TMEM156: variants seen among roughly 807,000 people sequenced by gnomAD.
The protein encoded by TMEM156 is transmembrane protein 156.
In TMEM156, 28 loss-of-function variants were observed where a neutral mutation model predicts 30.5. That is an observed-to-expected ratio of 0.92 (90% CI 0.68 to 1.26). The LOEUF is 1.26. TMEM156 is among the 50% of genes most tolerant of loss of function. The pLI is 0.00. For missense variants in TMEM156, 351 were observed against 340.6 expected (o/e 1.03, Z -0.24); for synonymous variants, 137 against 119.9 (o/e 1.14, Z -0.93).
At chr4:38,970,788 C>T (rs1429664579) in intron 6 of TMEM156, among the ~76,000 whole-genome samples, 1 of 152,172 alleles carries the variant, frequency 6.6e-6, no homozygotes, top group African/African-American at 2.4e-5. Context: ...GCTATCATCT[C>T]AGGAGCAGTT....
intron 1 of TMEM156, among the ~76,000 whole-genome samples, chr4:39,030,242 G>C: frequency 6.6e-6 from 1 of 151,822 alleles, no homozygotes; most frequent in Admixed American, 6.6e-5. Flanking sequence ...GCTGTTCTTG[G>C]ACCAGGAGAA....
At chr4:38,981,333 T>G (rs980655083) in intron 5 of TMEM156, among the ~76,000 whole-genome samples, 1 of 152,214 alleles carries the variant, frequency 6.6e-6, no homozygotes, top group Non-Finnish European at 1.5e-5. Flanking sequence ...TAATTCTCTT[T>G]CACAATAAAA....
chr4:39,021,436 T>C (rs1577584180), intron 1 of TMEM156, among the ~76,000 whole-genome samples: 2 of 151,544 alleles, frequency 1.3e-5, no homozygotes, highest in East Asian at 1.9e-4. Context: ...AAGAAAAAAA[T>C]GAAAAAAGAA....
In TMEM156 at chr4:39,000,045, A is replaced by G. The variant is rs1246777313; in HGVS notation, c.89-1136T>C. Among the ~76,000 whole-genome samples the G allele has an allele frequency of 2.0e-5, 3 of 152,218 alleles. No homozygotes were observed. The East Asian group carries it at 5.8e-4, about 29-fold the overall frequency. On this transcript the variant is annotated intron_variant, in intron 1 of 6. Transcript: ENST00000381938. ...TTTTTACTTTTGTCTGAAGACAAAC[A>G]TAAGATATGGAAATTATGGTATAAT...
chr4:38,981,601 G>T (rs1711560113), intron 5 of TMEM156, among the ~76,000 whole-genome samples: 1 of 152,190 alleles, frequency 6.6e-6, no homozygotes, highest in Non-Finnish European at 1.5e-5. Flanking sequence ...AAGTGCATCA[G>T]TTGGACAGAA....
At position 38,988,889 on chromosome 4, in the gene TMEM156, T is replaced by C. The variant is rs1712206986; in HGVS notation, c.701A>G (p.Lys234Arg). 2 of 1,613,954 alleles carry C rather than the reference T, an allele frequency of 1.2e-6. No homozygotes were observed. Among genetic ancestry groups the C allele is most frequent in the African/African-American group, 2.7e-5 (2 of 74,934 alleles). Residue 234 changes from lysine (K) to arginine (R), a missense_variant, in exon 4 of 7, where the codon AAA (lysine) becomes AGA (arginine). Lys to Arg is a conservative substitution (Grantham distance 26). Transcript: ENST00000381938. ...FIFLIILTIR[K>R]ILEGQRRVQK... ...CACTCTTCTCTGGCCTTCAAGTATT[T>C]TGCGGATAGTGAGGATGATCAAAAA...
chr4:39,024,926 T>C (rs945955428), intron 1 of TMEM156, among the ~76,000 whole-genome samples: 7 of 152,248 alleles, frequency 4.6e-5, no homozygotes, highest in African/African-American at 1.7e-4. Context: ...AGTTATTCTA[T>C]AGCATAATTC....
intron 1 of TMEM156, among the ~76,000 whole-genome samples, chr4:39,012,952 A>AT (rs1444463363): frequency 1.3e-5 from 2 of 151,626 alleles, no homozygotes; most frequent in Non-Finnish European, 1.5e-5. Context: ...AAAAAAAAAA[A>AT]GGAAAGAAAA....
chr4:39,014,203 C>T (rs369986116), intron 1 of TMEM156, among the ~76,000 whole-genome samples: 2 of 152,106 alleles, frequency 1.3e-5, no homozygotes, highest in Admixed American at 6.6e-5. Context: ...GATATTATCA[C>T]GAGTCAATCT....
At chr4:38,991,681 A>G (rs1712475261) in intron 3 of TMEM156, among the ~76,000 whole-genome samples, 1 of 152,068 alleles carries the variant, frequency 6.6e-6, no homozygotes, top group African/African-American at 2.4e-5. Flanking sequence ...ATGAACACAC[A>G]CACAAAAATC....
intron 2 of TMEM156, among the ~76,000 whole-genome samples, chr4:38,997,312 C>T (rs1215379831): frequency 6.6e-6 from 1 of 152,168 alleles, no homozygotes; most frequent in Admixed American, 6.5e-5. Context: ...GGAACATTAC[C>T]TACTGGGTAC....
chr4:39,022,372 C>G (rs2711968), intron 1 of TMEM156, among the ~76,000 whole-genome samples: 95,506 of 152,020 alleles, frequency 0.63, 30,486 homozygotes, highest in African/African-American at 0.75. Flanking sequence ...CTCAGTCTTA[C>G]ACTTTGCCTT....
chr4:38,977,694 A>G (rs2109878309), intron 5 of TMEM156, among the ~76,000 whole-genome samples: 2 of 152,378 alleles, frequency 1.3e-5, no homozygotes, highest in Admixed American at 1.3e-4. Context: ...AATTTATCAA[A>G]TCTCTGAAAC....
intron 5 of TMEM156, among the ~76,000 whole-genome samples, chr4:38,973,808 A>G (rs973156098): frequency 4.6e-5 from 7 of 152,294 alleles, no homozygotes; most frequent in African/African-American, 1.2e-4. Flanking sequence ...CCTATAAAAC[A>G]TATTTCTGGG....
chr4:39,022,094 T>G (rs1714907893), intron 1 of TMEM156, among the ~76,000 whole-genome samples: 1 of 152,202 alleles, frequency 6.6e-6, no homozygotes, highest in Non-Finnish European at 1.5e-5. Flanking sequence ...CAGAGAGGAT[T>G]GGTGTTTTCC....
intron 4 of TMEM156, among the ~76,000 whole-genome samples, chr4:38,988,187 C>T (rs16995039): frequency 2.0e-5 from 3 of 152,212 alleles, no homozygotes; most frequent in Admixed American, 2.0e-4. Flanking sequence ...CTGCCTCACA[C>T]CCGTCACCTA....
chr4:38,969,077 A>T (rs550527297), intron 6 of TMEM156, among the ~76,000 whole-genome samples: 10 of 152,362 alleles, frequency 6.6e-5, no homozygotes, highest in African/African-American at 2.4e-4. Context: ...AAGTCAGAAT[A>T]CTTAGGATAT....
intron 1 of TMEM156, among the ~76,000 whole-genome samples, chr4:39,026,296 T>C (rs1467254445): frequency 6.6e-6 from 1 of 152,036 alleles, no homozygotes; most frequent in Non-Finnish European, 1.5e-5. Context: ...GGAGGATCAC[T>C]TGAACCCAGG....
intron 2 of TMEM156, among the ~76,000 whole-genome samples, chr4:38,994,747 A>T (rs1712801928): frequency 6.6e-6 from 1 of 152,180 alleles, no homozygotes; most frequent in Non-Finnish European, 1.5e-5. Flanking sequence ...CAGGGGTTCG[A>T]GACCAGCCTG....
Sources: allele counts gnomAD v4.1 joint callset (sites outside exome capture counted in the v4.1 genomes callset), GRCh38; gene constraint gnomAD v4.1.1; transcripts MANE v1.5; gene names NCBI Gene and HGNC (gene_info 2026-07-23, HGNC 2026-07-21).